MCM10: variants seen among roughly 807,000 people sequenced by gnomAD.
MCM10 encodes the protein protein MCM10 homolog.
MCM10 carries 91 observed loss-of-function variants against 109.9 expected under a neutral mutation model. That is an observed-to-expected ratio of 0.83 (90% CI 0.70 to 0.99). MCM10 has a LOEUF of 0.99. MCM10 is among the 50% of genes least tolerant of loss of function. The pLI is 0.00. For synonymous variants in MCM10, 380 were observed against 387.2 expected (o/e 0.98, Z 0.22); for missense variants, 1,077 against 1,061.2 (o/e 1.01, Z -0.21).
In MCM10 at chr10:13,186,244, G is replaced by A; in HGVS notation, c.1179G>A (p.Lys393=). 1 of 1,612,998 alleles carries A rather than the reference G, an allele frequency of 6.2e-7. No individual in the cohort carries two copies. The highest frequency in any genetic ancestry group is 1.3e-5 in the African/African-American group (1 of 75,004). The change falls in exon 9 of 20, where the codon AAG becomes AAA. Residue 393 remains lysine (K), a synonymous_variant. Transcript: ENST00000378714. ...ACCTGGGAACCTGTAAAGCCAAGAA[G>A]AAGAATGGAGAGCCGTGCACGCAGA... The part of the protein sequence containing the change: ...ALDLGTCKAK[K]KNGEPCTQTV...
chr10:13,203,711 A>G (rs1672768162), intron 17 of MCM10, among the ~76,000 whole-genome samples: 2 of 152,138 alleles, frequency 1.3e-5, no homozygotes, highest in Non-Finnish European at 2.9e-5. Context: ...TCGGAATTAA[A>G]AGTGAATTCC....
In MCM10 at chr10:13,175,710, C is replaced by T. The variant is rs542179376; in HGVS notation, c.764+29C>T. 10 of 1,516,190 alleles carry T rather than the reference C, an allele frequency of 6.6e-6. No homozygotes were observed. The South Asian group carries it at 7.4e-5, about 11-fold the overall frequency. The allele number at this position is 1,516,190 out of a possible 1,614,324, so 93.9% of individuals were successfully genotyped here. A position where few individuals can be genotyped will look rare whatever the true frequency, so the allele number is the denominator to read the frequency against. On this transcript the variant is annotated intron_variant, in intron 6 of 19. Coordinates refer to ENST00000378714, the MANE Select transcript of MCM10 (RefSeq NM_018518.5). ...AGTAGCTAAACCATCTATTCATGTG[C>T]GCCACGGCATAGCTTTTTGTGCCTC...
rs1296832018 is a variant in MCM10, at chr10:13,197,694, G to T, written c.2046G>T (p.Lys682Asn). The T allele has an allele frequency of 3.1e-6, 5 of 1,613,900 alleles. No homozygotes were observed. Among genetic ancestry groups the T allele is most frequent in the Non-Finnish European group, 3.4e-6 (4 of 1,179,940 alleles). Reference sequence around the variant, plus strand: ...AAACAAACCCAAACAGCATTAAGAAGAAACAAAAGGACCCTCAGGACATCC... The same window carrying T: ...AAACAAACCCAAACAGCATTAAGAATAAACAAAAGGACCCTCAGGACATCC... ...LTKTNPNSIK[K>N]KQKDPQDILE... Residue 682 changes from lysine to asparagine, a missense_variant, in exon 15 of 20, where the codon AAG becomes AAT. Physicochemically the swap from Lys to Asn is moderately conservative, Grantham distance 94. Coordinates refer to ENST00000378714, the MANE Select transcript of MCM10 (RefSeq NM_018518.5).
chr10:13,175,711 G>T, intron 6 of MCM10, 30 bp downstream of exon 6: 1 of 1,509,312 alleles, frequency 6.6e-7, no homozygotes, highest in Non-Finnish European at 9.0e-7. Context: ...ATTCATGTGC[G>T]CCACGGCATA....
chr10:13,204,566 A>C, intron 18 of MCM10: 1 of 562,924 alleles, frequency 1.8e-6, no homozygotes. Context: ...CCAACACCTA[A>C]TATAGTGCCT....
rs1244162156 is a variant in MCM10, at chr10:13,197,700, A to C, written c.2052A>C (p.Gln684His). ...KTNPNSIKKK[Q>H]KDPQDILEVK... ...ACCCAAACAGCATTAAGAAGAAACA[A>C]AAGGACCCTCAGGACATCCTGGAGG... The change falls in exon 15 of 20, where the codon CAA becomes CAC. Residue 684 changes from glutamine (Q) to histidine (H), a missense_variant. Physicochemically the swap from Gln to His is conservative, Grantham distance 24 (BLOSUM62 0). Transcript: ENST00000378714. The C allele has an allele frequency of 4.3e-6, 7 of 1,614,122 alleles. No individual in the cohort carries two copies. Among genetic ancestry groups the C allele is most frequent in the Non-Finnish European group, 5.9e-6 (7 of 1,180,004 alleles).
In MCM10 at chr10:13,183,278, G is replaced by A. The variant is rs375078750; in HGVS notation, c.1098+178G>A. Among the ~76,000 whole-genome samples the A allele has an allele frequency of 2.0e-4, 31 of 152,306 alleles. No homozygotes were observed. The East Asian group carries it at 5.6e-3, about 27-fold the overall frequency. ...TCAAGACCAGCCTGGGCAACATAGT[G>A]AGAACCCCATCTCTACAAAAAATGT... is the stretch of plus-strand genomic sequence containing the variant. On this transcript the variant is annotated intron_variant, in intron 8 of 19. Coordinates refer to ENST00000378714, the MANE Select transcript of MCM10 (RefSeq NM_018518.5).
At position 13,170,654 on chromosome 10, in the gene MCM10, G is replaced by T. The variant is rs184952754; in HGVS notation, c.8-268G>T. Among the ~76,000 whole-genome samples the T allele has an allele frequency of 7.2e-5, 11 of 152,168 alleles. No homozygotes were observed. The East Asian group carries it at 2.1e-3, about 29-fold the overall frequency. On this transcript the variant is annotated intron_variant, in intron 2 of 19. Coordinates refer to ENST00000378714, the MANE Select transcript of MCM10 (RefSeq NM_018518.5). ...AAGGAGAACAAAGACCAGGCAAAAT[G>T]GTGCATCTGTAGGTTTTTGTTTTTT... is the stretch of plus-strand genomic sequence containing the variant.
intron 6 of MCM10, among the ~76,000 whole-genome samples, chr10:13,178,854 C>T (rs894195519): frequency 6.6e-6 from 1 of 152,170 alleles, no homozygotes; most frequent in Non-Finnish European, 1.5e-5. Flanking sequence ...GGCTATTTTT[C>T]CATATTTGGT....
chr10:13,196,063 C>T (rs923525547), intron 14 of MCM10, among the ~76,000 whole-genome samples: 10 of 152,046 alleles, frequency 6.6e-5, no homozygotes, highest in African/African-American at 1.7e-4. Context: ...CATGCCACCA[C>T]GCCTTGGCTA....
intron 17 of MCM10, among the ~76,000 whole-genome samples, chr10:13,202,730 C>A (rs1834516433): frequency 6.6e-6 from 1 of 152,238 alleles, no homozygotes; most frequent in South Asian, 2.1e-4. Context: ...CTTACTCTGA[C>A]ACAGCGGTGG....
intron 18 of MCM10, among the ~76,000 whole-genome samples, chr10:13,207,507 G>A (rs1554777059): frequency 6.6e-6 from 1 of 152,172 alleles, no homozygotes; most frequent in Non-Finnish European, 1.5e-5. Context: ...ATTGTGATAT[G>A]GTTTGGCTGT....
intron 17 of MCM10, among the ~76,000 whole-genome samples, chr10:13,203,338 C>T (rs750726493): frequency 1.3e-5 from 2 of 152,182 alleles, no homozygotes; most frequent in African/African-American, 2.4e-5. Flanking sequence ...GTTGAGCTCT[C>T]ACCTTGCAGC....
chr10:13,195,895 G>A (rs1035597246), intron 14 of MCM10, among the ~76,000 whole-genome samples: 1 of 151,992 alleles, frequency 6.6e-6, no homozygotes, highest in Non-Finnish European at 1.5e-5. Context: ...GAGCCACCAT[G>A]CCTGGCGGTT....
chr10:13,167,757 A>G (rs1284137586), intron 2 of MCM10, among the ~76,000 whole-genome samples: 1 of 152,228 alleles, frequency 6.6e-6, no homozygotes, highest in Admixed American at 6.5e-5. Context: ...AAGTTGATCA[A>G]CAAGTATTTG....
intron 18 of MCM10, among the ~76,000 whole-genome samples, chr10:13,207,295 G>A: frequency 6.6e-6 from 1 of 152,184 alleles, no homozygotes; most frequent in East Asian, 1.9e-4. Flanking sequence ...TATAAAAACT[G>A]GTGATGTGCT....
intron 17 of MCM10, 32 bp from the exon 18 acceptor site, chr10:13,204,187 C>T (rs571524282): frequency 4.7e-5 from 75 of 1,603,064 alleles, no homozygotes; most frequent in South Asian, 2.6e-4. Context: ...GGCTCTTCAC[C>T]GGCGGTGTGG....
intron 18 of MCM10, among the ~76,000 whole-genome samples, chr10:13,208,015 C>G (rs1834607592): frequency 1.3e-5 from 2 of 149,054 alleles, no homozygotes; most frequent in African/African-American, 4.9e-5. Context: ...CCAGAGTAAA[C>G]TTCATAGGAA....
chr10:13,198,135 A>G (rs1008047564), intron 15 of MCM10, among the ~76,000 whole-genome samples: 7 of 151,990 alleles, frequency 4.6e-5, no homozygotes, highest in South Asian at 4.1e-4. Context: ...GATGGCCTCG[A>G]TCTCTTGACC....
Sources: gnomAD v4.1 joint callset for allele counts (sites outside exome capture counted in the v4.1 genomes callset) on GRCh38, gnomAD v4.1.1 for gene constraint, MANE v1.5 for transcripts, NCBI Gene and HGNC (gene_info 2026-07-23, HGNC 2026-07-21) for gene names.